RBFOX1: variants seen among roughly 807,000 people sequenced by gnomAD.
The protein encoded by RBFOX1 is RNA binding protein fox-1 homolog 1.
Under a neutral mutation model 57.7 loss-of-function variants are expected in RBFOX1, and 8 were observed. The observed-to-expected ratio is 0.14, with a 90% CI of 0.08 to 0.25. The LOEUF (loss-of-function observed/expected upper bound fraction) is 0.25. Ranked by LOEUF, RBFOX1 falls within the 10% of genes least tolerant of loss-of-function variation. The pLI is 1.00. For synonymous variants in RBFOX1, 326 were observed against 222.4 expected (o/e 1.47, Z -4.15); for missense variants, 611 against 548.5 (o/e 1.11, Z -1.14).
chr16:7,308,124 A>T (rs1213113946), intron 4 of RBFOX1, among the ~76,000 whole-genome samples: 8 of 152,180 alleles, frequency 5.3e-5, no homozygotes, highest in Admixed American at 2.0e-4. Context: ...CCACACACAC[A>T]TGCATGGACA....
chr16:5,712,975 CTTG>C (rs2051550007), intron 3 of RBFOX1, among the ~76,000 whole-genome samples: 1 of 71,178 alleles, frequency 1.4e-5, no homozygotes, highest in Non-Finnish European at 4.3e-5. Context: ...TGAGGACATC[CTTG>C]TAGTAGTACA....
intron 3 of RBFOX1, among the ~76,000 whole-genome samples, chr16:5,629,273 T>A (rs2048433576): frequency 6.6e-6 from 1 of 152,220 alleles, no homozygotes; most frequent in Non-Finnish European, 1.5e-5. Flanking sequence ...GATGTACCAG[T>A]ATGATGTTCA....
intron 3 of RBFOX1, among the ~76,000 whole-genome samples, chr16:6,853,970 C>T (rs2142087023): frequency 1.3e-5 from 2 of 152,192 alleles, no homozygotes; most frequent in East Asian, 3.9e-4. Flanking sequence ...TTCAGACAGT[C>T]ATCTCCGTAA....
chr16:5,501,441 C>T (rs1039142502), intron 2 of RBFOX1, among the ~76,000 whole-genome samples: 8 of 151,490 alleles, frequency 5.3e-5, no homozygotes, highest in Non-Finnish European at 1.0e-4. Flanking sequence ...CCCTGTCGAT[C>T]TAGTGGAAGG....
At chr16:7,142,905 G>A (rs372931106) in intron 4 of RBFOX1, among the ~76,000 whole-genome samples, 11 of 115,786 alleles carry the variant, frequency 9.5e-5, no homozygotes, top group African/African-American at 3.0e-4. Flanking sequence ...AGACACATCT[G>A]CAGAGTATTT....
intron 4 of RBFOX1, among the ~76,000 whole-genome samples, chr16:7,123,097 T>C (rs1405556041): frequency 6.6e-6 from 1 of 152,128 alleles, no homozygotes; most frequent in African/African-American, 2.4e-5. Flanking sequence ...TTTGGGGTGA[T>C]GGAACTCTTC....
chr16:6,362,235 A>G (rs1436653059), intron 2 of RBFOX1, among the ~76,000 whole-genome samples: 1 of 151,584 alleles, frequency 6.6e-6, no homozygotes, highest in Non-Finnish European at 1.5e-5. Context: ...TGCATATCAC[A>G]TCTATTTGTG....
intron 3 of RBFOX1, among the ~76,000 whole-genome samples, chr16:6,865,608 T>C (rs2059781663): frequency 6.6e-6 from 1 of 152,212 alleles, no homozygotes; most frequent in Non-Finnish European, 1.5e-5. Context: ...TATTTTTTAA[T>C]TTAATAAGAT....
At chr16:6,464,008 C>G (rs1020374400) in intron 2 of RBFOX1, among the ~76,000 whole-genome samples, 1 of 152,152 alleles carries the variant, frequency 6.6e-6, no homozygotes, top group African/African-American at 2.4e-5. Flanking sequence ...ATTTGATAGG[C>G]TAAAACTAGT....
chr16:7,071,313 A>G (rs1253271517), intron 4 of RBFOX1, among the ~76,000 whole-genome samples: 1 of 152,128 alleles, frequency 6.6e-6, no homozygotes, highest in African/African-American at 2.4e-5. Flanking sequence ...AAAGGTAGGT[A>G]TATGTAATTA....
rs13334075 is a variant in RBFOX1 at position 7,506,334 on chromosome 16, T to A, written c.28-11813T>A. On this transcript the variant is annotated intron_variant, in intron 4 of 15. Transcript: ENST00000550418. ...ATACAATGTAGGATTCTGACAGATT[T>A]GGGTACCTGGCACTAACAAGTTGTG... is the stretch of plus-strand genomic sequence containing the variant. 6.6e-3 allele frequency among the ~76,000 whole-genome samples: 1,006 copies of A among 152,194 alleles called. 8 individuals are homozygous for A. The highest frequency in any genetic ancestry group is 0.02 in the African/African-American group (820 of 41,522).
intron 4 of RBFOX1, among the ~76,000 whole-genome samples, chr16:5,892,881 G>A (rs2058079216): frequency 6.6e-6 from 1 of 152,188 alleles, no homozygotes; most frequent in African/African-American, 2.4e-5. Flanking sequence ...ATGAGAGGGG[G>A]TTGCAGATGT....
At chr16:5,954,194 A>G (rs2059578545) in intron 4 of RBFOX1, among the ~76,000 whole-genome samples, 1 of 152,142 alleles carries the variant, frequency 6.6e-6, no homozygotes, top group Non-Finnish European at 1.5e-5. Context: ...AGTTTGAAGA[A>G]TGCTTCATCA....
intron 3 of RBFOX1, among the ~76,000 whole-genome samples, chr16:6,875,353 C>T (rs1428371864): frequency 6.6e-6 from 1 of 152,136 alleles, no homozygotes; most frequent in Admixed American, 6.5e-5. Flanking sequence ...TTATACACAG[C>T]TTTGACCTCT....
chr16:5,243,872 G>A (rs1342450580), intron 1 of RBFOX1, among the ~76,000 whole-genome samples: 1 of 152,110 alleles, frequency 6.6e-6, no homozygotes, highest in Non-Finnish European at 1.5e-5. Flanking sequence ...GACAGTACAT[G>A]GAAAATGCTG....
At chr16:6,348,391 T>C (rs1445783350) in intron 2 of RBFOX1, among the ~76,000 whole-genome samples, 3 of 152,220 alleles carry the variant, frequency 2.0e-5, no homozygotes, top group Non-Finnish European at 4.4e-5. Context: ...CAGAGACTTA[T>C]ATGGCATTTC....
At chr16:7,382,369 G>A (rs914789807) in intron 4 of RBFOX1, among the ~76,000 whole-genome samples, 2 of 151,860 alleles carry the variant, frequency 1.3e-5, no homozygotes, top group Non-Finnish European at 1.5e-5. Flanking sequence ...ACTTTAAGCT[G>A]CTCTGGAATG....
At chr16:6,708,975 C>G (rs1051255019) in intron 3 of RBFOX1, among the ~76,000 whole-genome samples, 4 of 135,612 alleles carry the variant, frequency 2.9e-5, no homozygotes, top group Non-Finnish European at 6.3e-5. Context: ...TTTCAGCAAG[C>G]TTTTCTTTTT....
intron 2 of RBFOX1, among the ~76,000 whole-genome samples, chr16:5,559,065 T>G (rs564908997): frequency 7.9e-4 from 114 of 144,392 alleles, no homozygotes; most frequent in African/African-American, 2.8e-3. Flanking sequence ...GCTGGGGGGG[T>G]TTGCCTGAGG....
Sources: gnomAD v4.1 joint callset for allele counts (sites outside exome capture counted in the v4.1 genomes callset) on GRCh38, gnomAD v4.1.1 for gene constraint, MANE v1.5 for transcripts, NCBI Gene and HGNC (gene_info 2026-07-23, HGNC 2026-07-21) for gene names.